RGSL1: variants seen among roughly 807,000 people sequenced by gnomAD.
The protein encoded by RGSL1 is regulator of G protein signaling protein-like.
Under a neutral mutation model 124.7 loss-of-function variants are expected in RGSL1, and 97 were observed. The observed-to-expected ratio is 0.78, with a 90% CI of 0.66 to 0.92. The LOEUF is 0.92. Ranked by LOEUF, RGSL1 falls within the 40% of genes least tolerant of loss-of-function variation. RGSL1 has a pLI of 0.00. For missense variants in RGSL1, 1,233 were observed against 1,288.4 expected (o/e 0.96, Z 0.66); for synonymous variants, 424 against 438.1 (o/e 0.97, Z 0.40).
chr1:182,545,513 A>G (rs1056223901), intron 15 of RGSL1, among the ~76,000 whole-genome samples: 1 of 152,150 alleles, frequency 6.6e-6, no homozygotes, highest in Admixed American at 6.5e-5. Context: ...TATACCTTCA[A>G]AGGCTTCCTT....
chr1:182,501,302 CTTTTCTTTTTTTT>C (rs1656353223), intron 9 of RGSL1, among the ~76,000 whole-genome samples: 60 of 54,276 alleles, frequency 1.1e-3, no homozygotes, highest in Admixed American at 9.4e-3. Flanking sequence ...TTTCTTTTTT[CTTTTCTTTTTTTT>C]TTTTTTTTTT....
intron 9 of RGSL1, among the ~76,000 whole-genome samples, chr1:182,499,922 C>T (rs547568940): frequency 1.2e-4 from 18 of 152,110 alleles, no homozygotes; most frequent in African/African-American, 4.1e-4. Context: ...AGATTTTTAC[C>T]AGATACATGA....
At position 182,472,464 on chromosome 1, in the gene RGSL1, G is replaced by T. The variant is rs990874029; in HGVS notation, c.370G>T (p.Val124Leu). 6.4e-7 allele frequency: 1 copy of T among 1,551,230 alleles called. No individual in the cohort carries two copies. Among genetic ancestry groups the T allele is most frequent in the African/African-American group, 1.4e-5 (1 of 73,152 alleles). Residue 124 changes from valine to leucine, a missense_variant, in exon 5 of 22, where the codon GTG becomes TTG. Physicochemically the swap from Val to Leu is conservative, Grantham distance 32. Transcript: ENST00000294854. ...GAGCATAGATGAGATGGACCTGGAAGTGAGAGACTACTACCTGTCCCTCCT... is the reference window on the plus strand; with the variant it reads ...GAGCATAGATGAGATGGACCTGGAATTGAGAGACTACTACCTGTCCCTCCT... ...ILSIDEMDLEVRDYYLSLLLM... is the reference protein window; with the variant it reads ...ILSIDEMDLELRDYYLSLLLM...
intron 6 of RGSL1, 70 bp downstream of exon 6, chr1:182,474,612 G>T: frequency 2.7e-6 from 4 of 1,462,678 alleles, no homozygotes; most frequent in South Asian, 1.4e-5. Flanking sequence ...AATCCCATCT[G>T]GTCACCTATA....
At chr1:182,555,771 T>C (rs142539073) in intron 20 of RGSL1, 157 of 478,240 alleles carry the variant, frequency 3.3e-4, no homozygotes, top group African/African-American at 2.8e-3. Flanking sequence ...TATTTGCCCG[T>C]CCCAGTGCCC....
intron 9 of RGSL1, among the ~76,000 whole-genome samples, chr1:182,506,615 G>C (rs1157891088): frequency 6.6e-6 from 1 of 151,960 alleles, no homozygotes; most frequent in African/African-American, 2.4e-5. Context: ...CCCCTTTTAA[G>C]TCTAATCTTA....
At position 182,520,080 on chromosome 1, in the gene RGSL1, C is replaced by G. The variant is rs76420028; in HGVS notation, c.1826-1924C>G. On this transcript the variant is annotated intron_variant, in intron 9 of 21. Coordinates refer to ENST00000294854, the MANE Select transcript of RGSL1 (RefSeq NM_001137669.2). ...CTTTTAAAATATCTTGTTATTTCTG[C>G]TTGATTTATGTGAACATCATTGGTG... is the stretch of plus-strand genomic sequence containing the variant. Among the ~76,000 whole-genome samples, 1,350 of 152,104 alleles carry G rather than the reference C, an allele frequency of 8.9e-3. 18 individuals carry two copies. Among genetic ancestry groups the G allele is most frequent in the African/African-American group, 0.031 (1,285 of 41,504 alleles).
chr1:182,449,556 G>A (rs1447327534), upstream of RGSL1, among the ~76,000 whole-genome samples: 1 of 152,196 alleles, frequency 6.6e-6, no homozygotes, highest in Non-Finnish European at 1.5e-5. Context: ...GAGAAATGAA[G>A]AGTTGTTTAA....
chr1:182,463,170 T>A (rs901082749), intron 4 of RGSL1, among the ~76,000 whole-genome samples: 1 of 151,736 alleles, frequency 6.6e-6, no homozygotes, highest in Non-Finnish European at 1.5e-5. Context: ...GACAGGCGCC[T>A]GTAGTCCCAC....
intron 15 of RGSL1, among the ~76,000 whole-genome samples, chr1:182,547,860 CA>C (rs149439475): frequency 0.093 from 13,945 of 149,758 alleles, 796 homozygotes; most frequent in Non-Finnish European, 0.13. Context: ...GACTCCATCT[CA>C]AAAAAAAAAT....
chr1:182,517,623 A>G (rs1184230704), intron 9 of RGSL1, among the ~76,000 whole-genome samples: 3 of 151,822 alleles, frequency 2.0e-5, no homozygotes, highest in East Asian at 3.9e-4. Flanking sequence ...CTTCAAGCTC[A>G]CTGGTTCTTT....
intron 16 of RGSL1, 42 bp downstream of exon 16, chr1:182,548,497 G>A (rs183084131): frequency 2.6e-6 from 4 of 1,548,678 alleles, no homozygotes; most frequent in East Asian, 2.4e-5. Context: ...TCACCAAGAA[G>A]CATTTCCCCC....
In RGSL1 at chr1:182,473,931, G is replaced by A; in HGVS notation, c.820G>A (p.Ala274Thr). ...WSLEMDLKPD[A>T]IGMPLQETCP... The stretch of plus-strand genomic sequence containing the variant: ...TCTGGAAATGGATCTCAAGCCAGAT[G>A]CTATTGGTATGCCCCTACAGGAGAC... The change falls in exon 6 of 22, where the codon GCT (alanine) becomes ACT (threonine). Residue 274 changes from alanine to threonine, a missense_variant. By Grantham distance (58) the Ala-to-Thr change is moderately conservative (BLOSUM62 0). Transcript: ENST00000294854. 3.2e-6 allele frequency: 5 copies of A among 1,552,064 alleles called. No homozygotes were observed. The highest frequency in any genetic ancestry group is 3.5e-6 in the Non-Finnish European group (4 of 1,147,070).
At chr1:182,515,843 C>T (rs368697837) in intron 9 of RGSL1, among the ~76,000 whole-genome samples, 3 of 152,262 alleles carry the variant, frequency 2.0e-5, no homozygotes, top group East Asian at 3.9e-4. Flanking sequence ...GGAGAGGAGC[C>T]CCTGTGGCCA....
At chr1:182,499,706 T>C (rs1656208917) in intron 9 of RGSL1, among the ~76,000 whole-genome samples, 1 of 152,250 alleles carries the variant, frequency 6.6e-6, no homozygotes, top group African/African-American at 2.4e-5. Flanking sequence ...GTGGATTTGA[T>C]TCTGTCCTCA....
intron 9 of RGSL1, among the ~76,000 whole-genome samples, chr1:182,501,302 CTTTTCTTT>C (rs1656352779): frequency 3.7e-5 from 2 of 54,238 alleles, no homozygotes; most frequent in African/African-American, 1.3e-4. Context: ...TTTCTTTTTT[CTTTTCTTT>C]TTTTTTTTTT....
chr1:182,453,913 A>T (rs1408736216), intron 1 of RGSL1, 45 bp from the exon 2 acceptor site: 3 of 1,068,322 alleles, frequency 2.8e-6, no homozygotes, highest in Non-Finnish European at 4.2e-6. Flanking sequence ...CCTGAATGCA[A>T]TTCTGGTTCA....
chr1:182,552,050 C>T (rs184050239), intron 18 of RGSL1, among the ~76,000 whole-genome samples: 5 of 152,176 alleles, frequency 3.3e-5, no homozygotes, highest in East Asian at 1.9e-4. Context: ...CACAAAATCA[C>T]GTAATGACAC....
At chr1:182,501,990 C>T (rs1276465489) in intron 9 of RGSL1, among the ~76,000 whole-genome samples, 1 of 152,080 alleles carries the variant, frequency 6.6e-6, no homozygotes, top group African/African-American at 2.4e-5. Context: ...CTTTGTTTAT[C>T]TAGATTACCT....
Sources: allele counts gnomAD v4.1 joint callset (sites outside exome capture counted in the v4.1 genomes callset), GRCh38; gene constraint gnomAD v4.1.1; transcripts MANE v1.5; gene names NCBI Gene and HGNC (gene_info 2026-07-23, HGNC 2026-07-21).